Variants in SYN3 observed in about 807,000 individuals in gnomAD.
SYN3 encodes synapsin III.
In SYN3, 35 loss-of-function variants were observed where a neutral mutation model predicts 65.8. The observed-to-expected ratio is 0.53, with a 90% confidence interval of 0.41 to 0.70. SYN3 has a LOEUF of 0.70. Ranked by LOEUF, SYN3 falls within the 30% of genes least tolerant of loss-of-function variation. The pLI, the probability that SYN3 is intolerant of heterozygous loss-of-function variation, is 0.00. For synonymous variants in SYN3, 270 were observed against 292.9 expected (o/e 0.92, Z 0.80); for missense variants, 680 against 749.0 (o/e 0.91, Z 1.08).
At position 32,858,051 on chromosome 22, in the gene SYN3, G is replaced by A. The variant is rs770664146; in HGVS notation, c.711+6864C>T. 3.1e-6 allele frequency: 5 copies of A among 1,614,074 alleles called. No individual in the cohort carries two copies. The South Asian group carries it at 3.3e-5, about 11-fold the overall frequency. The stretch of plus-strand genomic sequence containing the variant: ...ATGATGGCAAGATGTACACGGGGCT[G>A]TGCAACTTCGTGGAGAGGTGGGACC... On this transcript the variant is annotated intron_variant, in intron 6 of 13. Transcript: ENST00000358763.
At chr22:32,980,868 T>C (rs977122902) in intron 2 of SYN3, among the ~76,000 whole-genome samples, 166 bp from the exon 3 acceptor site, 1 of 150,612 alleles carries the variant, frequency 6.6e-6, no homozygotes, top group Admixed American at 6.6e-5. Flanking sequence ...TTTTTTTTTC[T>C]TTTGAGACGG....
chr22:32,604,978 C>T (rs1326674003), intron 6 of SYN3, among the ~76,000 whole-genome samples: 2 of 148,274 alleles, frequency 1.3e-5, no homozygotes, highest in East Asian at 2.0e-4. Context: ...TGCACACCAG[C>T]CTGGGCGATA....
intron 6 of SYN3, among the ~76,000 whole-genome samples, chr22:32,664,948 C>T (rs1380062325): frequency 6.6e-6 from 1 of 150,868 alleles, no homozygotes; most frequent in African/African-American, 2.4e-5. Context: ...CCCTCCCACC[C>T]TTTCCTCCCG....
At chr22:32,577,021 C>T (rs1325755581) in intron 7 of SYN3, among the ~76,000 whole-genome samples, 1 of 152,124 alleles carries the variant, frequency 6.6e-6, no homozygotes, top group African/African-American at 2.4e-5. Context: ...AGGGCTTGTC[C>T]ACACTGGCTT....
chr22:33,050,878 C>T (rs929267612), intron 1 of SYN3, among the ~76,000 whole-genome samples: 13 of 152,162 alleles, frequency 8.5e-5, no homozygotes, highest in African/African-American at 2.7e-4. Context: ...CCACTACCAG[C>T]GCAGCTCGGA....
At chr22:32,807,994 C>G (rs961255444) in intron 6 of SYN3, among the ~76,000 whole-genome samples, 12 of 151,798 alleles carry the variant, frequency 7.9e-5, no homozygotes, top group African/African-American at 2.7e-4. Flanking sequence ...TTCTTTTTGT[C>G]TCTTTGAAAG....
chr22:32,547,702 C>T (rs1168927515), intron 7 of SYN3, among the ~76,000 whole-genome samples: 1 of 152,244 alleles, frequency 6.6e-6, no homozygotes, highest in African/African-American at 2.4e-5. Context: ...AGTCAGGATG[C>T]AATTCCAAAT....
At chr22:32,626,296 A>T (rs1265894054) in intron 6 of SYN3, among the ~76,000 whole-genome samples, 4 of 152,136 alleles carry the variant, frequency 2.6e-5, no homozygotes, top group African/African-American at 9.7e-5. Context: ...GCAGGGGCAC[A>T]CTCAGAAGCT....
At chr22:32,782,515 C>A (rs939774066) in intron 6 of SYN3, among the ~76,000 whole-genome samples, 7 of 124,156 alleles carry the variant, frequency 5.6e-5, no homozygotes, top group African/African-American at 1.5e-4. Flanking sequence ...CCTTGTAATT[C>A]TTTTTTTTTT....
At chr22:32,751,523 C>T (rs1207381168) in intron 6 of SYN3, among the ~76,000 whole-genome samples, 2 of 152,204 alleles carry the variant, frequency 1.3e-5, no homozygotes, top group Admixed American at 6.5e-5. Context: ...GTCTCTGACT[C>T]AGCCATTGTC....
At chr22:32,786,784 G>A (rs2145858582) in intron 6 of SYN3, among the ~76,000 whole-genome samples, 1 of 152,284 alleles carries the variant, frequency 6.6e-6, no homozygotes, top group African/African-American at 2.4e-5. Flanking sequence ...TCTGTTAAGT[G>A]AATTATGTCA....
intron 3 of SYN3, among the ~76,000 whole-genome samples, chr22:32,965,385 G>A (rs912397990): frequency 6.6e-6 from 1 of 152,064 alleles, no homozygotes; most frequent in Admixed American, 6.5e-5. Flanking sequence ...CTCTGGATAA[G>A]TTTGAGAAAT....
intron 6 of SYN3, among the ~76,000 whole-genome samples, chr22:32,830,265 T>C (rs987139083): frequency 2.6e-5 from 4 of 152,216 alleles, no homozygotes; most frequent in African/African-American, 9.6e-5. Context: ...TGCTGTTCAC[T>C]GAGTGGTTAC....
chr22:32,535,573 G>A (rs1173032009), intron 9 of SYN3, among the ~76,000 whole-genome samples: 1 of 152,198 alleles, frequency 6.6e-6, no homozygotes, highest in Non-Finnish European at 1.5e-5. Flanking sequence ...CACAGGGTGA[G>A]CTCTGCCCTG....
chr22:32,878,124 G>A (rs1027130566), intron 4 of SYN3, among the ~76,000 whole-genome samples: 5 of 152,218 alleles, frequency 3.3e-5, no homozygotes, highest in East Asian at 3.9e-4. Flanking sequence ...CACAATCACC[G>A]TGCAACCAGA....
intron 6 of SYN3, among the ~76,000 whole-genome samples, chr22:32,777,649 C>A (rs1340092840): frequency 6.6e-6 from 1 of 152,098 alleles, no homozygotes; most frequent in African/African-American, 2.4e-5. Flanking sequence ...CCCAAAGAAC[C>A]CTCAGATTTA....
chr22:32,725,844 T>C (rs753726352), intron 6 of SYN3, among the ~76,000 whole-genome samples: 1 of 152,232 alleles, frequency 6.6e-6, no homozygotes, highest in African/African-American at 2.4e-5. Context: ...GAAGCAAATA[T>C]GCTTAGTCAA....
Position 33,006,887 on chromosome 22 carries a change from T to A in SYN3, c.-162-63A>T, listed in dbSNP as rs549052809. On this transcript the variant is annotated intron_variant, in intron 1 of 13. Coordinates refer to ENST00000358763, the MANE Select transcript of SYN3 (RefSeq NM_003490.4). ...CTCCACCCCCTTAAGAGCAAACAGA[T>A]ACAGCGCTTTCCTGCCCCACTGCAG... 2.5e-5 allele frequency: 11 copies of A among 431,704 alleles called. No homozygotes were observed. The Admixed American group carries it at 3.0e-4, about 12-fold the overall frequency. 26.7% of individuals were successfully genotyped at this position (431,704 alleles called of 1,614,324 possible). A position where few individuals can be genotyped will look rare whatever the true frequency, so the allele number is the denominator to read the frequency against.
intron 4 of SYN3, among the ~76,000 whole-genome samples, chr22:32,880,151 GA>G (rs1191538282): frequency 6.6e-6 from 1 of 152,154 alleles, no homozygotes; most frequent in African/African-American, 2.4e-5. Flanking sequence ...TAAGAATCAC[GA>G]TTACTCATTA....
Sources: gnomAD v4.1 joint callset for allele counts (sites outside exome capture counted in the v4.1 genomes callset) on GRCh38, gnomAD v4.1.1 for gene constraint, MANE v1.5 for transcripts, NCBI Gene and HGNC (gene_info 2026-07-23, HGNC 2026-07-21) for gene names.